The following C7orf57 variants were observed in gnomAD, a reference collection of about 807,000 sequenced individuals.
C7orf57 encodes chromosome 7 open reading frame 57.
Under a neutral mutation model 39.0 loss-of-function variants are expected in C7orf57, and 33 were observed. The observed-to-expected ratio is 0.85, with a 90% CI of 0.64 to 1.13. C7orf57 has a LOEUF of 1.13. C7orf57 is among the 50% of genes most tolerant of loss of function. The pLI is 0.00. For synonymous variants in C7orf57, 124 were observed against 137.1 expected (o/e 0.90, Z 0.67); for missense variants, 346 against 362.3 (o/e 0.95, Z 0.37).
intron 4 of C7orf57, among the ~76,000 whole-genome samples, chr7:48,044,873 T>A (rs1790668994): frequency 6.6e-6 from 1 of 152,172 alleles, no homozygotes; most frequent in Non-Finnish European, 1.5e-5. Context: ...AAATGAAAAA[T>A]CATTTCAGGC....
chr7:48,050,517 A>C (rs1343220860), intron 6 of C7orf57, among the ~76,000 whole-genome samples: 4 of 152,204 alleles, frequency 2.6e-5, no homozygotes, highest in Non-Finnish European at 5.9e-5. Flanking sequence ...TGCTAGGATA[A>C]ATGTTATTAA....
At chr7:48,041,265 T>A in intron 2 of C7orf57, 69 bp from the exon 3 acceptor site, 1 of 1,417,926 alleles carries the variant, frequency 7.1e-7, no homozygotes, top group South Asian at 1.4e-5. Flanking sequence ...ATAGAGATAC[T>A]CTGGTAGAGG....
At chr7:48,058,853 G>C (rs188612163) in intron 8 of C7orf57, among the ~76,000 whole-genome samples, 1 of 152,152 alleles carries the variant, frequency 6.6e-6, no homozygotes, top group Non-Finnish European at 1.5e-5. Flanking sequence ...ATCAAGGGAC[G>C]ATCATTTGGC....
intron 5 of C7orf57, among the ~76,000 whole-genome samples, chr7:48,047,694 T>C (rs1790755962): frequency 6.6e-6 from 1 of 152,192 alleles, no homozygotes; most frequent in African/African-American, 2.4e-5. Context: ...TTTTTTGTTT[T>C]TGTTTTTTAT....
In C7orf57 at chr7:48,046,511, C is replaced by T. The variant is rs758011369; in HGVS notation, c.402C>T (p.Pro134=). ...PDYMVHEEFN[P]DQANGSYASR... Reference sequence around the variant, plus strand: ...ACATGGTTCATGAAGAATTTAACCCCGATCAAGCCAATGGTAGCTATGCAT... The same window carrying T: ...ACATGGTTCATGAAGAATTTAACCCTGATCAAGCCAATGGTAGCTATGCAT... The change falls in exon 5 of 9, where the codon CCC becomes CCT. Residue 134 remains proline (P), a synonymous_variant. Coordinates refer to ENST00000348904, the MANE Select transcript of C7orf57 (RefSeq NM_001100159.3). 4 of 1,613,678 alleles carry T rather than the reference C, an allele frequency of 2.5e-6. No homozygotes were observed. The highest frequency in any genetic ancestry group is 2.2e-5 in the East Asian group (1 of 44,886).
rs1219953678 is a variant in C7orf57 at position 48,049,929 on chromosome 7, C to T, written c.557C>T (p.Pro186Leu). 6.2e-7 allele frequency: 1 copy of T among 1,613,682 alleles called. No homozygotes were observed. Among genetic ancestry groups the T allele is most frequent in the Non-Finnish European group, 8.5e-7 (1 of 1,179,766 alleles). The change falls in exon 6 of 9, where the codon CCA becomes CTA. Residue 186 changes from proline (P) to leucine (L), a missense_variant. By Grantham distance (98) the Pro-to-Leu change is moderately conservative. Coordinates refer to ENST00000348904, the MANE Select transcript of C7orf57 (RefSeq NM_001100159.3). ...AAGTATCTGAGCAAAGCAGGCACCC[C>T]ACTTGGCCCTAAGAATCCTGCAGGA... The part of the protein sequence containing the change: ...DSKYLSKAGT[P>L]LGPKNPAGSR...
intron 8 of C7orf57, among the ~76,000 whole-genome samples, chr7:48,058,256 C>G (rs1029046659): frequency 2.0e-5 from 3 of 151,952 alleles, no homozygotes; most frequent in Non-Finnish European, 4.4e-5. Context: ...TTTGGGACAG[C>G]TTGAGAAGGG....
intron 4 of C7orf57, 106 bp downstream of exon 4, chr7:48,043,695 A>T: frequency 1.2e-6 from 1 of 860,414 alleles, no homozygotes; most frequent in Non-Finnish European, 1.9e-6. Context: ...CAAGCATGTG[A>T]TATGACAACT....
Position 48,040,233 on chromosome 7 carries a change from T to C in C7orf57, c.56-1101T>C, listed in dbSNP as rs559204407. On this transcript the variant is annotated intron_variant, in intron 2 of 8. Coordinates refer to ENST00000348904, the MANE Select transcript of C7orf57 (RefSeq NM_001100159.3). ...GAGCCTCATGGCTTCACCAGGCCCA[T>C]GTTCAGCTCCTCTGTCCACAGCACC... Among the ~76,000 whole-genome samples, 9 of 152,348 alleles carry C rather than the reference T, an allele frequency of 5.9e-5. No homozygotes were observed. In the East Asian group the frequency reaches 7.7e-4, roughly 13 times the overall value.
intron 3 of C7orf57, among the ~76,000 whole-genome samples, chr7:48,042,876 G>A (rs532066986): frequency 1.6e-4 from 25 of 152,264 alleles, no homozygotes; most frequent in African/African-American, 4.8e-4. Flanking sequence ...GGGTGAGTCC[G>A]GAGCTGGCCT....
At chr7:48,041,221 G>T (rs1382614923) in intron 2 of C7orf57, 113 bp from the exon 3 acceptor site, 10 of 950,900 alleles carry the variant, frequency 1.1e-5, no homozygotes, top group African/African-American at 1.7e-5. Context: ...TGGGCTCTGT[G>T]GCTTGCACTG....
chr7:48,036,698 C>T (rs181663020), intron 2 of C7orf57, among the ~76,000 whole-genome samples: 2 of 152,286 alleles, frequency 1.3e-5, no homozygotes, highest in African/African-American at 2.4e-5. Context: ...CTCACAACTG[C>T]GTTCCTGAAT....
At chr7:48,058,241 A>AT (rs1193238889) in intron 8 of C7orf57, among the ~76,000 whole-genome samples, 13 of 151,896 alleles carry the variant, frequency 8.6e-5, no homozygotes, top group South Asian at 2.1e-4. Context: ...TTCCTTTTCA[A>AT]TTTTTTTGGG....
Position 48,049,866 on chromosome 7 carries a change from GT to G in C7orf57, c.508-11del, listed in dbSNP as rs746653453. 3.7e-5 allele frequency: 59 copies of G among 1,609,816 alleles called. No homozygotes were observed. Among genetic ancestry groups the G allele is most frequent in the Non-Finnish European group, 4.8e-5 (57 of 1,176,678 alleles). ...TTTCCACTAACTCAAGGTTTTGTGT[GT>G]TTCCTCACACAGCTGAGGCTACCGG... On this transcript the variant is annotated splice_polypyrimidine_tract_variant and intron_variant, in intron 5 of 8. Transcript: ENST00000348904.
chr7:48,037,749 CTG>C lies in C7orf57; in HGVS notation c.55+1405_55+1406del, dbSNP rs71006544. ...GATAACTCTTAGTCCCTTTAACCCT[CTG>C]TGTGTGTGTGTGTGTGTGCGCGCGC... On this transcript the variant is annotated intron_variant, in intron 2 of 8. Transcript: ENST00000348904. Among the ~76,000 whole-genome samples the C allele has an allele frequency of 8.0e-4, 120 of 150,612 alleles. 1 individual carries two copies. Among genetic ancestry groups the C allele is most frequent in the Middle Eastern group, 3.5e-3 (1 of 286 alleles).
At position 48,052,883 on chromosome 7, in the gene C7orf57, C is replaced by G. The variant is rs768425647; in HGVS notation, c.789C>G (p.Leu263=). ...AAGGTCCCCAGGATGCAGCCAGGCT[C>G]CAGGATGCAGAGGCTTCTGAAGGTC... ...DLEGPQDAAR[L]QDAEASEGPE... Residue 263 remains leucine (L), a synonymous_variant, in exon 7 of 9, where the codon CTC becomes CTG. Coordinates refer to ENST00000348904, the MANE Select transcript of C7orf57 (RefSeq NM_001100159.3). 2 of 1,613,792 alleles carry G rather than the reference C, an allele frequency of 1.2e-6. No individual in the cohort carries two copies. Among genetic ancestry groups the G allele is most frequent in the African/African-American group, 1.3e-5 (1 of 74,904 alleles).
At chr7:48,044,872 A>G (rs1296012837) in intron 4 of C7orf57, among the ~76,000 whole-genome samples, 3 of 152,210 alleles carry the variant, frequency 2.0e-5, no homozygotes, top group Non-Finnish European at 2.9e-5. Flanking sequence ...AAAATGAAAA[A>G]TCATTTCAGG....
chr7:48,058,282 C>T (rs1791187877), intron 8 of C7orf57, among the ~76,000 whole-genome samples: 1 of 152,006 alleles, frequency 6.6e-6, no homozygotes. Flanking sequence ...ATGATTTCTT[C>T]CTTTACATGT....
intron 8 of C7orf57, among the ~76,000 whole-genome samples, chr7:48,058,197 T>C (rs1791184261): frequency 6.6e-6 from 1 of 152,214 alleles, no homozygotes; most frequent in African/African-American, 2.4e-5. Flanking sequence ...ATCAGGGTAA[T>C]GCTGGCCTCA....
Sources: allele counts gnomAD v4.1 joint callset (sites outside exome capture counted in the v4.1 genomes callset), GRCh38; gene constraint gnomAD v4.1.1; transcripts MANE v1.5; gene names NCBI Gene and HGNC (gene_info 2026-07-23, HGNC 2026-07-21).